The following CHRNB3 variants were observed in gnomAD, a reference collection of about 807,000 sequenced individuals.
The protein encoded by CHRNB3 is neuronal acetylcholine receptor subunit beta-3.
CHRNB3 carries 37 observed loss-of-function variants against 40.6 expected under a neutral mutation model. The ratio of observed to expected loss-of-function variants is 0.91; its 90% CI spans 0.70 to 1.20. CHRNB3 has a LOEUF of 1.20. Among genes scored for constraint, CHRNB3 ranks in the 50% most tolerant of loss-of-function variants. CHRNB3 has a pLI of 0.00. For synonymous variants in CHRNB3, 207 were observed against 207.1 expected (o/e 1.00, Z 0.00); for missense variants, 505 against 551.2 (o/e 0.92, Z 0.84).
At chr8:42,718,900 A>G (rs1428092085) in intron 3 of CHRNB3, among the ~76,000 whole-genome samples, 2 of 152,076 alleles carry the variant, frequency 1.3e-5, no homozygotes, top group Non-Finnish European at 2.9e-5. Flanking sequence ...GAGGAAGCCT[A>G]GAGTTGGAGT....
intron 3 of CHRNB3, among the ~76,000 whole-genome samples, chr8:42,727,236 G>T (rs932078884): frequency 6.6e-6 from 1 of 151,954 alleles, no homozygotes; most frequent in Non-Finnish European, 1.5e-5. Flanking sequence ...AGCCGGGCGT[G>T]GTGGCACATG....
At position 42,710,323 on chromosome 8, in the gene CHRNB3, C is replaced by T; in HGVS notation, c.205-67C>T. The stretch of plus-strand genomic sequence containing the variant: ...ACATCTTGAGATCCCATTTCTAAAA[C>T]AACAACAAAAATCACAACTTATTTT... On this transcript the variant is annotated intron_variant, in intron 2 of 5. Transcript: ENST00000289957. 13 of 1,290,448 alleles carry T rather than the reference C, an allele frequency of 1.0e-5. 1 individual carries two copies. The South Asian group carries it at 1.6e-4, about 16-fold the overall frequency. 79.9% of individuals were successfully genotyped at this position (1,290,448 alleles called of 1,614,324 possible).
At chr8:42,709,530 C>T (rs1257290318) in intron 2 of CHRNB3, among the ~76,000 whole-genome samples, 1 of 152,172 alleles carries the variant, frequency 6.6e-6, no homozygotes, top group Non-Finnish European at 1.5e-5. Context: ...TGTGCGCACA[C>T]TCACCTGCCT....
intron 1 of CHRNB3, among the ~76,000 whole-genome samples, chr8:42,698,863 C>T (rs1231346340): frequency 6.6e-6 from 1 of 152,180 alleles, no homozygotes; most frequent in Non-Finnish European, 1.5e-5. Context: ...GGGTGTTTAG[C>T]ATAAACTCTC....
At chr8:42,727,807 G>A (rs1314922094) in intron 3 of CHRNB3, among the ~76,000 whole-genome samples, 1 of 152,072 alleles carries the variant, frequency 6.6e-6, no homozygotes, top group Non-Finnish European at 1.5e-5. Flanking sequence ...AGGTTGCAGT[G>A]AGCCGAGACT....
chr8:42,710,314 T>C (rs893036434), intron 2 of CHRNB3, 76 bp from the exon 3 acceptor site: 19 of 1,173,802 alleles, frequency 1.6e-5, no homozygotes, highest in South Asian at 1.3e-4. Context: ...TGAGATCCCA[T>C]TTCTAAAACA....
chr8:42,725,529 G>A (rs147045407), intron 3 of CHRNB3: 37,454 of 734,824 alleles, frequency 0.051, 1,347 homozygotes, highest in Middle Eastern at 0.11. Flanking sequence ...ATTTACTGCA[G>A]TTTGGCACCT....
At chr8:42,698,392 G>A (rs1012215400) in intron 1 of CHRNB3, among the ~76,000 whole-genome samples, 1 of 152,208 alleles carries the variant, frequency 6.6e-6, no homozygotes, top group African/African-American at 2.4e-5. Flanking sequence ...GCCAGATGGT[G>A]AGAAAAGTGT....
At chr8:42,735,336 G>A (rs866573829) in intron 5 of CHRNB3, among the ~76,000 whole-genome samples, 30 of 152,088 alleles carry the variant, frequency 2.0e-4, no homozygotes, top group Non-Finnish European at 4.1e-4. Flanking sequence ...TCAGCAGCTC[G>A]AGACCAGCCT....
At chr8:42,713,690 G>A (rs570348488) in intron 3 of CHRNB3, among the ~76,000 whole-genome samples, 6 of 152,210 alleles carry the variant, frequency 3.9e-5, no homozygotes, top group East Asian at 1.9e-4. Flanking sequence ...CCACTCTTCC[G>A]AGTCTCCAAT....
Position 42,711,092 on chromosome 8 carries a change from G to T in CHRNB3, c.249+658G>T, listed in dbSNP as rs544270557. Among the ~76,000 whole-genome samples, 117 of 152,248 alleles carry T rather than the reference G, an allele frequency of 7.7e-4. 1 individual carries two copies. The highest frequency in any genetic ancestry group is 1.5e-3 in the Non-Finnish European group (99 of 68,004). ...GTGTGCCCAAAGGAGTTTGTTCTAG[G>T]ATTGTCAGTAAATAATTACCATTCA... On this transcript the variant is annotated intron_variant, in intron 3 of 5. Coordinates refer to ENST00000289957, the MANE Select transcript of CHRNB3 (RefSeq NM_000749.5).
At chr8:42,729,936 G>A (rs569686346) in intron 3 of CHRNB3, among the ~76,000 whole-genome samples, 2 of 152,214 alleles carry the variant, frequency 1.3e-5, no homozygotes, top group African/African-American at 4.8e-5. Flanking sequence ...CATGCCATGT[G>A]ATTTCATCCT....
At chr8:42,708,494 C>CACACACAA (rs1374067647) in intron 1 of CHRNB3, among the ~76,000 whole-genome samples, 1 of 151,972 alleles carries the variant, frequency 6.6e-6, no homozygotes, top group Admixed American at 6.6e-5. Context: ...CACACACACA[C>CACACACAA]ACAAACAAAA....
chr8:42,734,723 AT>A (rs1450609441), intron 5 of CHRNB3, among the ~76,000 whole-genome samples: 1 of 151,394 alleles, frequency 6.6e-6, no homozygotes, highest in Non-Finnish European at 1.5e-5. Flanking sequence ...CTGGCCAAGA[AT>A]TTTTTTTAGA....
chr8:42,731,473 T>C (rs1197873476), intron 4 of CHRNB3, among the ~76,000 whole-genome samples, 194 bp from the exon 5 acceptor site: 5 of 152,100 alleles, frequency 3.3e-5, no homozygotes, highest in African/African-American at 1.2e-4. Flanking sequence ...GCAAATTGCT[T>C]GAACCCGGGA....
intron 3 of CHRNB3, among the ~76,000 whole-genome samples, chr8:42,729,234 C>T (rs1196865373): frequency 1.3e-5 from 2 of 151,790 alleles, no homozygotes; most frequent in Non-Finnish European, 2.9e-5. Context: ...GGTGAAACCC[C>T]GTCTCCACTA....
chr8:42,731,057 A>T (rs1175686383), intron 4 of CHRNB3, among the ~76,000 whole-genome samples: 1 of 138,802 alleles, frequency 7.2e-6, no homozygotes, highest in African/African-American at 2.8e-5. Context: ...TCCGTCTCAA[A>T]AAATAAATAA....
At chr8:42,703,422 T>TAAAA (rs1202825994) in intron 1 of CHRNB3, among the ~76,000 whole-genome samples, 20 of 26,462 alleles carry the variant, frequency 7.6e-4, no homozygotes, top group Non-Finnish European at 1.7e-3. Context: ...AGACTTCGTC[T>TAAAA]AAAAAAAAAA....
At chr8:42,713,430 C>G (rs1816051673) in intron 3 of CHRNB3, among the ~76,000 whole-genome samples, 1 of 151,950 alleles carries the variant, frequency 6.6e-6, no homozygotes, top group Admixed American at 6.6e-5. Flanking sequence ...TACCCAAAAC[C>G]AAGCAGGAGA....
Sources: gnomAD v4.1 joint callset for allele counts (sites outside exome capture counted in the v4.1 genomes callset) on GRCh38, gnomAD v4.1.1 for gene constraint, MANE v1.5 for transcripts, NCBI Gene and HGNC (gene_info 2026-07-23, HGNC 2026-07-21) for gene names.